GRM5: variants seen among roughly 807,000 people sequenced by gnomAD.
GRM5 encodes glutamate metabotropic receptor 5, also known as metabotropic glutamate receptor 5.
In GRM5, 19 loss-of-function variants were observed where a neutral mutation model predicts 83.1. The observed-to-expected ratio is 0.23, with a 90% CI of 0.16 to 0.34. The LOEUF is 0.34. Ranked by LOEUF, GRM5 falls within the 10% of genes least tolerant of loss-of-function variation. The probability of loss-of-function intolerance (pLI) is 1.00; values close to 1 mark genes in which losing one functional copy is unlikely to be tolerated. For synonymous variants in GRM5, 675 were observed against 633.6 expected, an observed-to-expected ratio of 1.07 and a Z score of -0.98; for missense variants, 1,160 against 1,588.3, an observed-to-expected ratio of 0.73 and a Z score of 4.58.
chr11:88,900,169 G>A (rs1350780708), intron 2 of GRM5, among the ~76,000 whole-genome samples: 1 of 152,032 alleles, frequency 6.6e-6, no homozygotes, highest in African/African-American at 2.4e-5. Context: ...AACCATAAAT[G>A]CAGAACTACA....
chr11:88,757,495 A>G (rs1454528312), intron 3 of GRM5, among the ~76,000 whole-genome samples: 1 of 152,064 alleles, frequency 6.6e-6, no homozygotes, highest in African/African-American at 2.4e-5. Flanking sequence ...TGAAACTAGT[A>G]TGGATGACGG....
intron 2 of GRM5, among the ~76,000 whole-genome samples, chr11:88,873,827 A>G (rs59115102): frequency 6.6e-6 from 1 of 151,732 alleles, no homozygotes; most frequent in Admixed American, 6.6e-5. Flanking sequence ...AACAAAATAA[A>G]CCCCAAACTA....
At chr11:89,054,990 G>T (rs1371654922) in intron 1 of GRM5, among the ~76,000 whole-genome samples, 4 of 152,114 alleles carry the variant, frequency 2.6e-5, no homozygotes, top group Non-Finnish European at 5.9e-5. Context: ...GGAACTGAGG[G>T]ATATGCTTTC....
chr11:88,949,166 C>T (rs114323986), intron 2 of GRM5, among the ~76,000 whole-genome samples: 3,046 of 152,284 alleles, frequency 0.02, 112 homozygotes, highest in African/African-American at 0.07. Context: ...AAGTACAGTG[C>T]CTAAGGCATC....
At chr11:88,886,620 G>A (rs981615040) in intron 2 of GRM5, among the ~76,000 whole-genome samples, 1 of 152,072 alleles carries the variant, frequency 6.6e-6, no homozygotes, top group Non-Finnish European at 1.5e-5. Context: ...AAGAAGTCCT[G>A]GTGTACCTGA....
chr11:88,699,551 T>C (rs565051775), intron 3 of GRM5, among the ~76,000 whole-genome samples: 3 of 152,322 alleles, frequency 2.0e-5, no homozygotes, highest in Admixed American at 2.0e-4. Flanking sequence ...GCTAGGAAGC[T>C]GCCTTACCCT....
At chr11:88,619,141 C>T (rs7925763) in intron 4 of GRM5, among the ~76,000 whole-genome samples, 3,726 of 152,216 alleles carry the variant, frequency 0.024, 141 homozygotes, top group African/African-American at 0.086. Flanking sequence ...ACTTTACAGC[C>T]GCTCAAAACA....
chr11:88,607,702 C>A (rs1025452756), intron 4 of GRM5, among the ~76,000 whole-genome samples: 2 of 152,194 alleles, frequency 1.3e-5, no homozygotes, highest in African/African-American at 4.8e-5. Flanking sequence ...GTAAATTATT[C>A]CGCCCTAGAC....
At chr11:88,838,963 G>A (rs754404585) in intron 3 of GRM5, among the ~76,000 whole-genome samples, 1 of 143,176 alleles carries the variant, frequency 7.0e-6, no homozygotes, top group Non-Finnish European at 1.5e-5. Flanking sequence ...AGGCCATCAA[G>A]TGATTTTTCT....
intron 4 of GRM5, among the ~76,000 whole-genome samples, chr11:88,622,671 G>A (rs1440800275): frequency 2.6e-5 from 4 of 152,120 alleles, no homozygotes; most frequent in Non-Finnish European, 5.9e-5. Context: ...ATATATGCAT[G>A]TATTTATACA....
Position 88,508,545 on chromosome 11 carries a change from G to A in GRM5, c.*47C>T. On this transcript the variant is annotated 3_prime_UTR_variant, in exon 10 of 10. Transcript: ENST00000305447. This position sits in a 1 kb window ranked among gnomAD's most constrained non-coding sequence, Gnocchi z 4.2. ...TTGCCATTGTGTGTGTGTGAACACG[G>A]GGGGCTCCGCTCCGCACGCGCAGGC... 2.7e-6 allele frequency: 4 copies of A among 1,499,158 alleles called. No homozygotes were observed. Among genetic ancestry groups the A allele is most frequent in the Non-Finnish European group, 2.8e-6 (3 of 1,084,994 alleles). The allele number at this position is 1,499,158 out of a possible 1,614,324, so 92.9% of individuals were successfully genotyped here. A position where few individuals can be genotyped will look rare whatever the true frequency, so the allele number is the denominator to read the frequency against.
At position 88,522,513 on chromosome 11, in the gene GRM5, A is replaced by G. The variant is rs573227821; in HGVS notation, c.2726+2796T>C. Reference sequence around the variant, plus strand: ...TGTGAATTTTGACCTCTCTTTTCATATGTCTCTAGGCCTTTTCTACTCCCT... The same window carrying G: ...TGTGAATTTTGACCTCTCTTTTCATGTGTCTCTAGGCCTTTTCTACTCCCT... On this transcript the variant is annotated intron_variant, in intron 9 of 9. Transcript: ENST00000305447. Among the ~76,000 whole-genome samples, 10 of 151,744 alleles carry G rather than the reference A, an allele frequency of 6.6e-5. No homozygotes were observed. The East Asian group carries it at 1.9e-3, about 29-fold the overall frequency.
In GRM5 at chr11:88,801,560, A is replaced by C. The variant is rs140052440; in HGVS notation, c.911+48346T>G. Among the ~76,000 whole-genome samples the C allele has an allele frequency of 3.9e-5, 6 of 152,288 alleles. No individual in the cohort carries two copies. In the East Asian group the frequency reaches 1.2e-3, roughly 29 times the overall value. ...TCTACTTGTAAATAATCATCCATGC[A>C]AGGGTTATTAGCATCAAATTAAGGA... On this transcript the variant is annotated intron_variant, in intron 3 of 9. Transcript: ENST00000305447.
intron 3 of GRM5, among the ~76,000 whole-genome samples, chr11:88,820,135 C>T (rs1027434050): frequency 2.0e-5 from 3 of 151,702 alleles, no homozygotes; most frequent in African/African-American, 7.3e-5. Flanking sequence ...AATCCCAGCA[C>T]TTTGGGAGGC....
chr11:88,526,968 T>C (rs561116345), intron 8 of GRM5, among the ~76,000 whole-genome samples: 1 of 152,232 alleles, frequency 6.6e-6, no homozygotes, highest in South Asian at 2.1e-4. Context: ...ACACAAGTAA[T>C]TTTAGATGTA....
chr11:89,023,846 T>A (rs983092842), intron 2 of GRM5, among the ~76,000 whole-genome samples: 9 of 129,868 alleles, frequency 6.9e-5, no homozygotes, highest in African/African-American at 2.8e-4. Flanking sequence ...TGAGACTTCA[T>A]CTCTAAATAA....
intron 4 of GRM5, among the ~76,000 whole-genome samples, chr11:88,643,435 A>T (rs1939352146): frequency 6.6e-6 from 1 of 152,200 alleles, no homozygotes; most frequent in African/African-American, 2.4e-5. Context: ...GTTTGAGCAG[A>T]AACAAATATC....
At chr11:88,791,991 A>G (rs117255508) in intron 3 of GRM5, among the ~76,000 whole-genome samples, 109 of 152,264 alleles carry the variant, frequency 7.2e-4, no homozygotes, top group Middle Eastern at 3.4e-3. Context: ...ACCTAGGTCA[A>G]TGTAAAAGCT....
rs532546212 is a variant in GRM5, at chr11:88,607,109, C to T, written c.1148-2145G>A. ...TAGAGAGTCTCCCTAGAGAAACTGG[C>T]GTAGTGCATTGTGACATAATATAAG... On this transcript the variant is annotated intron_variant, in intron 4 of 9. Coordinates refer to ENST00000305447, the MANE Select transcript of GRM5 (RefSeq NM_001143831.3). Among the ~76,000 whole-genome samples, 11 of 152,084 alleles carry T rather than the reference C, an allele frequency of 7.2e-5. No individual in the cohort carries two copies. In the South Asian group the frequency reaches 2.1e-3, roughly 29 times the overall value.
Sources: gnomAD v4.1 joint callset for allele counts (sites outside exome capture counted in the v4.1 genomes callset) on GRCh38, gnomAD v4.1.1 for gene constraint, Gnocchi (gnomAD v3.1) non-coding constraint, MANE v1.5 for transcripts, NCBI Gene and HGNC (gene_info 2026-07-23, HGNC 2026-07-21) for gene names.